Variants in ACTN4 observed in about 807,000 individuals in gnomAD.
ACTN4 encodes the protein actinin alpha 4.
ACTN4 carries 18 observed loss-of-function variants against 114.2 expected under a neutral mutation model. That is an observed-to-expected ratio of 0.16 (90% CI 0.11 to 0.23). The LOEUF is 0.23. Ranked by LOEUF, ACTN4 falls within the 10% of genes least tolerant of loss-of-function variation. ACTN4 has a pLI of 1.00. For synonymous variants in ACTN4, 515 were observed against 506.3 expected, an observed-to-expected ratio of 1.02 and a Z score of -0.23; for missense variants, 722 against 1,262.9, an observed-to-expected ratio of 0.57 and a Z score of 6.49.
intron 11 of ACTN4, among the ~76,000 whole-genome samples, chr19:38,718,454 T>G (rs1968920832): frequency 6.6e-6 from 1 of 152,060 alleles, no homozygotes; most frequent in Non-Finnish European, 1.5e-5. Flanking sequence ...GAGGATTGAT[T>G]GAGCCAGGGA....
At chr19:38,665,678 G>T (rs1258715166) in intron 1 of ACTN4, among the ~76,000 whole-genome samples, 1 of 152,182 alleles carries the variant, frequency 6.6e-6, no homozygotes. Context: ...CCCAGCCCCT[G>T]CATCCATCTG....
chr19:38,683,821 GCT>G (rs1196996400), intron 1 of ACTN4: 2 of 152,178 alleles, frequency 1.3e-5, no homozygotes, highest in African/African-American at 4.8e-5. Flanking sequence ...CCTCAGCATA[GCT>G]CTGATTCTCA....
intron 1 of ACTN4, among the ~76,000 whole-genome samples, chr19:38,656,404 TTTC>T (rs1976713500): frequency 2.0e-5 from 3 of 152,202 alleles, no homozygotes; most frequent in Non-Finnish European, 1.5e-5. Flanking sequence ...AGGCTCCAGT[TTTC>T]TTCTTAGAGT....
intron 12 of ACTN4, among the ~76,000 whole-genome samples, chr19:38,722,521 CT>C (rs1969080972): frequency 6.6e-6 from 1 of 152,244 alleles, no homozygotes; most frequent in African/African-American, 2.4e-5. Context: ...CTGGGCAGAG[CT>C]GGTTTCCTCC....
chr19:38,680,243 TTTA>T, intron 1 of ACTN4, among the ~76,000 whole-genome samples: 1 of 129,492 alleles, frequency 7.7e-6, no homozygotes, highest in African/African-American at 2.8e-5. Context: ...TTTTTTTTTT[TTTA>T]AAGTCAGAGT....
intron 3 of ACTN4, among the ~76,000 whole-genome samples, chr19:38,703,680 G>T (rs1207864956): frequency 6.6e-6 from 1 of 152,152 alleles, no homozygotes. Context: ...GGTCAGAGCA[G>T]CCCCGCCCTC....
chr19:38,681,724 C>G (rs1181492613), intron 1 of ACTN4, among the ~76,000 whole-genome samples: 1 of 152,242 alleles, frequency 6.6e-6, no homozygotes, highest in Non-Finnish European at 1.5e-5. Context: ...GCAGCACTGT[C>G]AGGGTCTCCC....
Position 38,729,358 on chromosome 19 carries a change from G to T in ACTN4, c.2662G>T (p.Gly888Cys). ...YCIARMAPYQ[G>C]PDAVPGALDY... ...CATCGCCCGCATGGCGCCATACCAG[G>T]GCCCTGACGCCGTGCCCGGTGCCCT... Residue 888 changes from glycine (G) to cysteine (C), a missense_variant, in exon 21 of 21, where the codon GGC becomes TGC. This residue lies in a region of ACTN4 where 523 missense variants were observed against 875.9 expected (regional missense o/e 0.60). Coordinates refer to ENST00000252699, the MANE Select transcript of ACTN4 (RefSeq NM_004924.6). The T allele has an allele frequency of 6.2e-7, 1 of 1,612,600 alleles. No individual in the cohort carries two copies. The highest frequency in any genetic ancestry group is 8.5e-7 in the Non-Finnish European group (1 of 1,179,912).
At chr19:38,659,719 T>C (rs751515019) in intron 1 of ACTN4, among the ~76,000 whole-genome samples, 5 of 152,108 alleles carry the variant, frequency 3.3e-5, no homozygotes, top group Admixed American at 6.5e-5. Context: ...TAAAAATAAA[T>C]GCATGTTCCT....
chr19:38,681,492 T>C (rs1219594857), intron 1 of ACTN4, among the ~76,000 whole-genome samples: 1 of 152,188 alleles, frequency 6.6e-6, no homozygotes, highest in Non-Finnish European at 1.5e-5. Flanking sequence ...CTGCCACTTC[T>C]CCTGGGGTCC....
At chr19:38,652,374 T>A (rs1976590244) in intron 1 of ACTN4, among the ~76,000 whole-genome samples, 1 of 152,160 alleles carries the variant, frequency 6.6e-6, no homozygotes, top group Non-Finnish European at 1.5e-5. Context: ...ACTCTTCTAA[T>A]GACTGAAGAA....
At chr19:38,653,085 C>CAAAA (rs3033329) in intron 1 of ACTN4, among the ~76,000 whole-genome samples, 7 of 125,174 alleles carry the variant, frequency 5.6e-5, no homozygotes, top group Non-Finnish European at 8.2e-5. Context: ...GACTCCATCT[C>CAAAA]AAAAAAAAAA....
intron 16 of ACTN4, 130 bp from the exon 17 acceptor site, chr19:38,725,594 C>G: frequency 1.0e-6 from 1 of 982,894 alleles, no homozygotes. Flanking sequence ...CCCAGGGACC[C>G]ATGGGCCAAG....
intron 9 of ACTN4, among the ~76,000 whole-genome samples, chr19:38,716,076 A>AT (rs991171402): frequency 3.5e-4 from 53 of 151,396 alleles, no homozygotes; most frequent in African/African-American, 8.3e-4. Flanking sequence ...TAATTTTTGT[A>AT]TTTTTTTTAG....
intron 1 of ACTN4, among the ~76,000 whole-genome samples, chr19:38,686,439 A>G (rs1359321549): frequency 7.0e-6 from 1 of 142,640 alleles, no homozygotes; most frequent in Admixed American, 7.6e-5. Flanking sequence ...TTTGTAGCTC[A>G]CCCTCCCTGT....
chr19:38,648,823 C>A (rs568019426), intron 1 of ACTN4, among the ~76,000 whole-genome samples: 9 of 151,530 alleles, frequency 5.9e-5, no homozygotes, highest in Non-Finnish European at 8.8e-5. Context: ...TGATGGGAAG[C>A]TGAAAAGCTA....
At chr19:38,680,237 TTTTTTTTTA>T (rs1378259612) in intron 1 of ACTN4, among the ~76,000 whole-genome samples, 19 of 99,582 alleles carry the variant, frequency 1.9e-4, no homozygotes, top group Middle Eastern at 4.7e-3. Flanking sequence ...TTTTTTTTTT[TTTTTTTTTA>T]AAGTCAGAGT....
chr19:38,678,130 C>T (rs545799938), intron 1 of ACTN4, among the ~76,000 whole-genome samples: 1 of 152,340 alleles, frequency 6.6e-6, no homozygotes, highest in Admixed American at 6.5e-5. Context: ...ATTTTGTGCT[C>T]ATGTTTACTG....
At chr19:38,709,668 A>G (rs1422415062) in intron 7 of ACTN4, among the ~76,000 whole-genome samples, 192 bp downstream of exon 7, 1 of 152,214 alleles carries the variant, frequency 6.6e-6, no homozygotes, top group Admixed American at 6.5e-5. Context: ...AGACAGAGCA[A>G]GGGTAGCCTG....
Sources: allele counts gnomAD v4.1 joint callset (sites outside exome capture counted in the v4.1 genomes callset), GRCh38; gene constraint gnomAD v4.1.1; regional missense constraint gnomAD v4.1.1; transcripts MANE v1.5; gene names NCBI Gene and HGNC (gene_info 2026-07-23, HGNC 2026-07-21).